Variants in SIGLEC12 observed in about 807,000 individuals in gnomAD.
SIGLEC12 encodes the protein sialic acid binding Ig like lectin 12, also known as sialic acid-binding Ig-like lectin 12.
Under a neutral mutation model 54.1 loss-of-function variants are expected in SIGLEC12, and 43 were observed. That is an observed-to-expected ratio of 0.80 (90% CI 0.62 to 1.03). The LOEUF (loss-of-function observed/expected upper bound fraction) is 1.03. SIGLEC12 is among the 50% of genes least tolerant of loss of function. The probability of loss-of-function intolerance (pLI) is 0.00; values close to 1 mark genes in which losing one functional copy is unlikely to be tolerated. For synonymous variants in SIGLEC12, 357 were observed against 307.6 expected (o/e 1.16, Z -1.68); for missense variants, 802 against 735.2 (o/e 1.09, Z -1.05).
At chr19:51,498,683 G>A (rs1438037364) in intron 4 of SIGLEC12, among the ~76,000 whole-genome samples, 2 of 152,172 alleles carry the variant, frequency 1.3e-5, no homozygotes, top group Non-Finnish European at 2.9e-5. Flanking sequence ...AGCCCTAGAG[G>A]AGGGTGCAAA....
intron 4 of SIGLEC12, 125 bp from the exon 5 acceptor site, chr19:51,498,412 G>A (rs898347329): frequency 1.7e-5 from 13 of 755,392 alleles, no homozygotes; most frequent in African/African-American, 3.5e-5. Context: ...ACATATGCAC[G>A]TTCACTGCTC....
At chr19:51,496,400 G>C (rs573434937) in intron 7 of SIGLEC12, among the ~76,000 whole-genome samples, 9 of 152,288 alleles carry the variant, frequency 5.9e-5, no homozygotes, top group African/African-American at 1.9e-4. Flanking sequence ...GGGAGGTGGA[G>C]GTTGTGGTGA....
At position 51,499,574 on chromosome 19, in the gene SIGLEC12, C is replaced by A; in HGVS notation, c.951G>T (p.Leu317=). The change falls in exon 3 of 8, where the codon CTG becomes CTT. Residue 317 remains leucine (L), a synonymous_variant. Transcript: ENST00000291707. ...ITWMGASVSS[L]DPTITRSSML... is the part of the protein sequence containing the mutation. Reference sequence around the variant, plus strand: ...TCGAGGAGCGAGTGATAGTGGGGTCCAGGGAGGACACGGAGGCCCCCATCC... The same window carrying A: ...TCGAGGAGCGAGTGATAGTGGGGTCAAGGGAGGACACGGAGGCCCCCATCC... 6.2e-7 allele frequency: 1 copy of A among 1,612,280 alleles called. No homozygotes were observed. The highest frequency in any genetic ancestry group is 8.5e-7 in the Non-Finnish European group (1 of 1,179,090).
rs61743963 is a variant in SIGLEC12 at position 51,498,142 on chromosome 19, G to C, written c.1281C>G (p.Asn427Lys). The change falls in exon 5 of 8, where the codon AAC becomes AAG. Residue 427 changes from asparagine to lysine, a missense_variant. Physicochemically the swap from Asn to Lys is moderately conservative, Grantham distance 94. Coordinates refer to ENST00000291707, the MANE Select transcript of SIGLEC12 (RefSeq NM_053003.4). ...CTCGAGGCAGCTCCAGCACCCCAAGGTTCGAGGACTGTGAGGGGCTCAGGG... is the reference window on the plus strand; with the variant it reads ...CTCGAGGCAGCTCCAGCACCCCAAGCTTCGAGGACTGTGAGGGGCTCAGGG... ...SLTLSPSQSS[N>K]LGVLELPRVH... 1 of 1,614,244 alleles carries C rather than the reference G, an allele frequency of 6.2e-7. No individual in the cohort carries two copies. Among genetic ancestry groups the C allele is most frequent in the Non-Finnish European group, 8.5e-7 (1 of 1,180,042 alleles).
Position 51,491,605 on chromosome 19 carries a change from G to A in SIGLEC12, c.*36C>T, listed in dbSNP as rs776724841. On this transcript the variant is annotated 3_prime_UTR_variant, in exon 8 of 8. Coordinates refer to ENST00000291707, the MANE Select transcript of SIGLEC12 (RefSeq NM_053003.4). The stretch of plus-strand genomic sequence containing the variant: ...CTCGGGCTTCTTTGCTGCAGGGGTC[G>A]TGAGCCCTCAAACAGGCCTGAGTCT... The A allele has an allele frequency of 1.9e-6, 3 of 1,603,408 alleles. No individual in the cohort carries two copies. The highest frequency in any genetic ancestry group is 2.2e-5 in the South Asian group (2 of 90,786).
At position 51,496,770 on chromosome 19, in the gene SIGLEC12, G is replaced by A; in HGVS notation, c.1599+110C>T. On this transcript the variant is annotated intron_variant, in intron 7 of 7. Coordinates refer to ENST00000291707, the MANE Select transcript of SIGLEC12 (RefSeq NM_053003.4). ...TAGGAGGAAAAAGTGGACAGGACGT[G>A]ATTTTTCGGCTGTAGGGGAAGAAAG... The A allele has an allele frequency of 2.4e-6, 3 of 1,270,202 alleles. No individual in the cohort carries two copies. In the Admixed American group the frequency reaches 5.5e-5, roughly 23 times the overall value. The allele number at this position is 1,270,202 out of a possible 1,614,324, so 78.7% of individuals were successfully genotyped here.
At position 51,500,067 on chromosome 19, in the gene SIGLEC12, G is replaced by A; in HGVS notation, c.661C>T (p.Leu221Phe). 1.9e-6 allele frequency: 3 copies of A among 1,614,146 alleles called. No homozygotes were observed. Among genetic ancestry groups the A allele is most frequent in the Non-Finnish European group, 2.5e-6 (3 of 1,179,994 alleles). Reference sequence around the variant, plus strand: ...TTGGTCTGTGGGTCCCCAAGGAGGAGGAATCGACCGTGGGTATCCTCTTGC... The same window carrying A: ...TTGGTCTGTGGGTCCCCAAGGAGGAAGAATCGACCGTGGGTATCCTCTTGC... Reference protein sequence around the residue: ...KVQEDTHGRFLLLGDPQTNNC... With the variant: ...KVQEDTHGRFFLLGDPQTNNC... Residue 221 changes from leucine to phenylalanine, a missense_variant, in exon 2 of 8, where the codon CTC (leucine) becomes TTC (phenylalanine). By Grantham distance (22) the Leu-to-Phe change is conservative. Coordinates refer to ENST00000291707, the MANE Select transcript of SIGLEC12 (RefSeq NM_053003.4).
rs1205560786 is a variant in SIGLEC12, at chr19:51,501,747, G to A, written c.-14C>T. The A allele has an allele frequency of 1.9e-6, 3 of 1,585,124 alleles. No individual in the cohort carries two copies. Among genetic ancestry groups the A allele is most frequent in the Non-Finnish European group, 2.6e-6 (3 of 1,162,958 alleles). On this transcript the variant is annotated 5_prime_UTR_variant, in exon 1 of 8. Transcript: ENST00000291707. ...CAGCAGTAGCATGTGTCGGGTTGGA[G>A]GTGCCAGGGTTGCTGAGGTAAGTCT... is the stretch of plus-strand genomic sequence containing the variant.
intron 4 of SIGLEC12, among the ~76,000 whole-genome samples, chr19:51,498,868 G>A (rs191811181): frequency 1.2e-4 from 19 of 152,334 alleles, no homozygotes; most frequent in South Asian, 4.1e-4. Context: ...AGAACTATTG[G>A]TGAAAATAAA....
chr19:51,500,696 A>T (rs1990371785), intron 1 of SIGLEC12, among the ~76,000 whole-genome samples: 1 of 151,908 alleles, frequency 6.6e-6, no homozygotes, highest in Non-Finnish European at 1.5e-5. Flanking sequence ...ACCATCGTGG[A>T]GGTCCCTCCT....
chr19:51,495,393 A>G (rs1007548841), intron 7 of SIGLEC12, among the ~76,000 whole-genome samples: 1 of 71,020 alleles, frequency 1.4e-5, no homozygotes, highest in South Asian at 6.0e-4. Flanking sequence ...GGATGGATGG[A>G]TGGATGGGTG....
At chr19:51,493,008 G>A (rs550467872) in intron 7 of SIGLEC12, among the ~76,000 whole-genome samples, 154 of 152,288 alleles carry the variant, frequency 1.0e-3, no homozygotes, top group South Asian at 1.7e-3. Flanking sequence ...GAACTTCCCT[G>A]CTACTCCCCT....
intron 4 of SIGLEC12, among the ~76,000 whole-genome samples, chr19:51,498,862 C>A (rs1166257456): frequency 1.3e-5 from 2 of 152,196 alleles, no homozygotes; most frequent in East Asian, 1.9e-4. Flanking sequence ...TACCTCAGAA[C>A]TATTGGTGAA....
intron 4 of SIGLEC12, 56 bp downstream of exon 4, chr19:51,499,114 C>T: frequency 6.3e-7 from 1 of 1,587,080 alleles, no homozygotes; most frequent in Non-Finnish European, 8.7e-7. Flanking sequence ...AGTCCTGGCT[C>T]TCCCCTGAGT....
chr19:51,496,990 C>G lies in SIGLEC12; in HGVS notation c.1503-14G>C, dbSNP rs749096095. ...CAGGACCTCACTCTGAGTGAAGAGACCAGAGAGCCTTTCAGTGTGGTCAGA... is the reference window on the plus strand; with the variant it reads ...CAGGACCTCACTCTGAGTGAAGAGAGCAGAGAGCCTTTCAGTGTGGTCAGA... On this transcript the variant is annotated splice_polypyrimidine_tract_variant and intron_variant, in intron 6 of 7. Transcript: ENST00000291707. 1 of 1,612,780 alleles carries G rather than the reference C, an allele frequency of 6.2e-7. No homozygotes were observed. Among genetic ancestry groups the G allele is most frequent in the Non-Finnish European group, 8.5e-7 (1 of 1,179,942 alleles).
rs1037191517 is a variant in SIGLEC12 at position 51,497,336 on chromosome 19, G to C, written c.1502+13C>G. The C allele has an allele frequency of 6.2e-7, 1 of 1,609,538 alleles. No homozygotes were observed. On this transcript the variant is annotated intron_variant, in intron 6 of 7. Coordinates refer to ENST00000291707, the MANE Select transcript of SIGLEC12 (RefSeq NM_053003.4). ...CTCCCCCAAGGCTCTTCCTCCCCAG[G>C]GTCAATGCTCACACAACGAAGATGA...
Position 51,501,446 on chromosome 19 carries a change from A to T in SIGLEC12, c.288T>A (p.Leu96=), listed in dbSNP as rs1283374738. ...QEETRDRFHL[L]GDPQNKDCTL... The stretch of plus-strand genomic sequence containing the variant: ...TACAATCCTTGTTCTGTGGGTCCCC[A>T]AGGAGGTGGAATCGGTCCCGAGTCT... Residue 96 remains leucine (L), a synonymous_variant, in exon 1 of 8, where the codon CTT becomes CTA. Transcript: ENST00000291707. The T allele has an allele frequency of 1.2e-6, 2 of 1,614,178 alleles. No individual in the cohort carries two copies. The highest frequency in any genetic ancestry group is 8.5e-7 in the Non-Finnish European group (1 of 1,180,030).
intron 7 of SIGLEC12, among the ~76,000 whole-genome samples, chr19:51,496,144 A>G (rs59128868): frequency 0.12 from 17,560 of 152,252 alleles, 1,118 homozygotes; most frequent in Middle Eastern, 0.24. Context: ...CAATTTTAAC[A>G]CAATATTTAA....
rs760637252 is a variant in SIGLEC12, at chr19:51,501,515, G to A, written c.219C>T (p.Asn73=). ...CTGGGTTGTTTGTGGCCACTGGAAT[G>A]TTCCGGCTTACATGGTCCCCTGCCC... is the stretch of plus-strand genomic sequence containing the variant. ...WFRAGDHVSR[N]IPVATNNPAR... The change falls in exon 1 of 8, where the codon AAC becomes AAT. Residue 73 remains asparagine, a synonymous_variant. Coordinates refer to ENST00000291707, the MANE Select transcript of SIGLEC12 (RefSeq NM_053003.4). 54 of 1,590,364 alleles carry A rather than the reference G, an allele frequency of 3.4e-5. No individual in the cohort carries two copies. Among genetic ancestry groups the A allele is most frequent in the Middle Eastern group, 1.7e-4 (1 of 6,048 alleles).
Sources: gnomAD v4.1 joint callset for allele counts (sites outside exome capture counted in the v4.1 genomes callset) on GRCh38, gnomAD v4.1.1 for gene constraint, MANE v1.5 for transcripts, NCBI Gene and HGNC (gene_info 2026-07-23, HGNC 2026-07-21) for gene names.